ANO4: variants seen among roughly 807,000 people sequenced by gnomAD.
The protein encoded by ANO4 is anoctamin 4, also known as anoctamin-4.
In ANO4, 69 loss-of-function variants were observed where a neutral mutation model predicts 141.9. That is an observed-to-expected ratio of 0.49 (90% CI 0.40 to 0.59). The LOEUF is 0.59. ANO4 is among the 20% of genes least tolerant of loss of function. The pLI, the probability that ANO4 is intolerant of heterozygous loss-of-function variation, is 0.00. For missense variants in ANO4, 894 were observed against 1,162.2 expected, an observed-to-expected ratio of 0.77 and a Z score of 3.36; for synonymous variants, 350 against 394.3, an observed-to-expected ratio of 0.89 and a Z score of 1.33.
At chr12:100,860,628 A>G (rs2038419798) in intron 1 of ANO4, among the ~76,000 whole-genome samples, 2 of 152,100 alleles carry the variant, frequency 1.3e-5, no homozygotes, top group South Asian at 4.1e-4. Context: ...CCATTACCCA[A>G]AATGCAATTC....
intron 5 of ANO4, among the ~76,000 whole-genome samples, chr12:100,944,631 C>T (rs2042649966): frequency 6.6e-6 from 1 of 152,098 alleles, no homozygotes; most frequent in African/African-American, 2.4e-5. Context: ...CTCCCGCTGC[C>T]TGGCTCGAGT....
At chr12:101,093,303 T>G (rs552770802) in intron 17 of ANO4, among the ~76,000 whole-genome samples, 1 of 152,288 alleles carries the variant, frequency 6.6e-6, no homozygotes, top group African/African-American at 2.4e-5. Flanking sequence ...GGAAGGTCAG[T>G]AAGTTCAATA....
intron 1 of ANO4, among the ~76,000 whole-genome samples, chr12:100,894,484 C>T (rs1007373460): frequency 6.6e-6 from 1 of 152,032 alleles, no homozygotes; most frequent in Non-Finnish European, 1.5e-5. Flanking sequence ...CCCCTCCAAA[C>T]CTGTTTTCTG....
At chr12:100,717,682 C>A in intron 1 of ANO4, 2 of 394,522 alleles carry the variant, frequency 5.1e-6, no homozygotes, top group Non-Finnish European at 9.0e-6. Flanking sequence ...GGCGGCCGTG[C>A]GCGCCGCTCC....
At chr12:101,039,772 C>A (rs1395608807) in intron 10 of ANO4, among the ~76,000 whole-genome samples, 183 bp from the exon 11 acceptor site, 1 of 152,194 alleles carries the variant, frequency 6.6e-6, no homozygotes, top group Admixed American at 6.5e-5. Flanking sequence ...TACTAGATAT[C>A]AGCAGTAGCA....
At chr12:100,781,307 A>G (rs953895605) in intron 3 of ANO4, among the ~76,000 whole-genome samples, 1 of 152,204 alleles carries the variant, frequency 6.6e-6, no homozygotes, top group African/African-American at 2.4e-5. Flanking sequence ...TACTCACTGC[A>G]GTGGGAGCAT....
Position 100,941,068 on chromosome 12 carries a change from A to G in ANO4, c.298-1309A>G, listed in dbSNP as rs374533443. Among the ~76,000 whole-genome samples, 21 of 152,226 alleles carry G rather than the reference A, an allele frequency of 1.4e-4. No homozygotes were observed. In the East Asian group the frequency reaches 3.9e-3, roughly 28 times the overall value. ...AAACTAATTGTAGATTACTAACTCC[A>G]GTTTTTTTTTAATGGAATGGAAAAT... On this transcript the variant is annotated intron_variant, in intron 4 of 27. Transcript: ENST00000392977.
chr12:100,995,306 A>G (rs2045320765), intron 8 of ANO4, among the ~76,000 whole-genome samples: 1 of 152,186 alleles, frequency 6.6e-6, no homozygotes, highest in Admixed American at 6.5e-5. Context: ...CAAGGCCCTA[A>G]TCTGGGAGAA....
At chr12:101,080,884 T>TATATATATATATATA (rs2049234004) in intron 15 of ANO4, among the ~76,000 whole-genome samples, 1 of 29,710 alleles carries the variant, frequency 3.4e-5, no homozygotes. Flanking sequence ...ATATATATAT[T>TATATATATATATATA]ATATATATAT....
chr12:100,896,123 C>A (rs2040340100), intron 1 of ANO4, among the ~76,000 whole-genome samples: 1 of 152,126 alleles, frequency 6.6e-6, no homozygotes, highest in Non-Finnish European at 1.5e-5. Context: ...CTGTGGTGGG[C>A]TGATAATGGC....
At chr12:100,743,887 C>T (rs919505274) in intron 3 of ANO4, among the ~76,000 whole-genome samples, 2 of 152,122 alleles carry the variant, frequency 1.3e-5, no homozygotes, top group African/African-American at 4.8e-5. Flanking sequence ...TCAAGTAGGC[C>T]TTGGTGTCTG....
intron 9 of ANO4, among the ~76,000 whole-genome samples, chr12:101,022,822 C>G (rs1240141531): frequency 6.6e-6 from 1 of 152,190 alleles, no homozygotes; most frequent in Non-Finnish European, 1.5e-5. Context: ...TCACTGCAAT[C>G]TCTGCCTCCC....
intron 9 of ANO4, among the ~76,000 whole-genome samples, chr12:101,023,507 C>CA (rs902987108): frequency 5.9e-5 from 9 of 151,990 alleles, no homozygotes; most frequent in Non-Finnish European, 1.2e-4. Flanking sequence ...CCCATCTCTA[C>CA]AAAAAATACA....
chr12:100,776,179 C>T (rs375882510), intron 3 of ANO4, among the ~76,000 whole-genome samples: 12 of 152,306 alleles, frequency 7.9e-5, no homozygotes, highest in African/African-American at 2.9e-4. Flanking sequence ...GTCCAGTTTT[C>T]ATAGCCAGGA....
chr12:100,933,948 GT>G (rs1403119953), intron 3 of ANO4, among the ~76,000 whole-genome samples: 1 of 152,034 alleles, frequency 6.6e-6, no homozygotes, highest in Admixed American at 6.6e-5. Flanking sequence ...TGATGGGGTT[GT>G]TTTTTTCTTG....
chr12:100,750,850 G>A (rs1877879), intron 3 of ANO4, among the ~76,000 whole-genome samples: 38,682 of 152,010 alleles, frequency 0.25, 5,150 homozygotes, highest in East Asian at 0.47. Flanking sequence ...AGCTGTCTTA[G>A]TTCTGGTTCT....
At chr12:101,040,158 AGC>A in intron 11 of ANO4, 82 bp downstream of exon 11, 1 of 1,484,404 alleles carries the variant, frequency 6.7e-7, no homozygotes, top group Admixed American at 2.1e-5. Context: ...CTCCCAATGA[AGC>A]AAAAAGAGCC....
At chr12:100,979,895 C>CTTTTTTTTTTTTTTTT (rs71091474) in intron 7 of ANO4, among the ~76,000 whole-genome samples, 3 of 119,412 alleles carry the variant, frequency 2.5e-5, no homozygotes, top group Non-Finnish European at 3.4e-5. Flanking sequence ...GCCCAGCTGA[C>CTTTTTTTTTTTTTTTT]TTTTTTTTTT....
intron 3 of ANO4, among the ~76,000 whole-genome samples, chr12:100,776,220 G>T (rs888254886): frequency 6.6e-6 from 1 of 152,192 alleles, no homozygotes; most frequent in African/African-American, 2.4e-5. Flanking sequence ...AGGCCAGGCA[G>T]TCTGGCTTCA....
Sources: allele counts gnomAD v4.1 joint callset (sites outside exome capture counted in the v4.1 genomes callset), GRCh38; gene constraint gnomAD v4.1.1; transcripts MANE v1.5; gene names NCBI Gene and HGNC (gene_info 2026-07-23, HGNC 2026-07-21).